Variants in CFTR observed in about 807,000 individuals in gnomAD.
The protein encoded by CFTR is CF transmembrane conductance regulator.
A neutral mutation model predicts 171.6 loss-of-function variants in CFTR; 181 were observed. That is an observed-to-expected ratio of 1.05 (90% CI 0.93 to 1.19). The LOEUF (loss-of-function observed/expected upper bound fraction) is 1.19, where lower values mean the gene tolerates loss of function less well. CFTR is among the 50% of genes most tolerant of loss of function. The pLI, the probability that CFTR is intolerant of heterozygous loss-of-function variation, is 0.00. For missense variants in CFTR, 1,968 were observed against 1,734.7 expected (o/e 1.13, Z -2.39); for synonymous variants, 583 against 608.0 (o/e 0.96, Z 0.60).
Position 117,627,501 on chromosome 7 carries a change from ATGT to A in CFTR, c.3469-16_3469-14del, listed in dbSNP as rs760853013. On this transcript the variant is annotated intron_variant, in intron 21 of 26. Coordinates refer to ENST00000003084, the MANE Select transcript of CFTR (RefSeq NM_000492.4). ...TTGTCTGCCATTCTTAAAAACAAAA[ATGT>A]TGTTATTTTTATTTCAGATGCGATC... 15 of 1,612,208 alleles carry A rather than the reference ATGT, an allele frequency of 9.3e-6. 2 individuals carry two copies. In the South Asian group the frequency reaches 1.3e-4, roughly 14 times the overall value.
intron 22 of CFTR, among the ~76,000 whole-genome samples, chr7:117,631,715 T>C (rs1009185399): frequency 2.6e-5 from 4 of 152,218 alleles, no homozygotes; most frequent in African/African-American, 9.6e-5. Flanking sequence ...CTCTCCCATC[T>C]GGCTGTTCTT....
At chr7:117,524,403 A>G (rs1798739094) in intron 3 of CFTR, among the ~76,000 whole-genome samples, 1 of 152,150 alleles carries the variant, frequency 6.6e-6, no homozygotes, top group African/African-American at 2.4e-5. Context: ...AAAAAAAAAA[A>G]AAAACCAAAT....
At chr7:117,643,331 C>T (rs1792949098) in intron 23 of CFTR, among the ~76,000 whole-genome samples, 1 of 152,074 alleles carries the variant, frequency 6.6e-6, no homozygotes, top group Non-Finnish European at 1.5e-5. Context: ...ACTTTTCTCC[C>T]TTTGTGCTAA....
intron 11 of CFTR, among the ~76,000 whole-genome samples, chr7:117,573,036 T>TTCTCTCTC (rs146811028): frequency 0.047 from 6,715 of 144,250 alleles, 211 homozygotes; most frequent in African/African-American, 0.063. Flanking sequence ...ACTCCACCCT[T>TTCTCTCTC]TCTCTCTCTC....
At chr7:117,542,761 T>G (rs935468682) in intron 9 of CFTR, among the ~76,000 whole-genome samples, 2 of 152,182 alleles carry the variant, frequency 1.3e-5, no homozygotes, top group African/African-American at 4.8e-5. Context: ...TTGTGGGCCC[T>G]CTGGCTCTCC....
intron 18 of CFTR, among the ~76,000 whole-genome samples, chr7:117,609,662 A>G (rs1439355645): frequency 1.3e-5 from 2 of 152,214 alleles, no homozygotes; most frequent in African/African-American, 2.4e-5. Flanking sequence ...TTGTATTTCA[A>G]GCAGAACTTT....
Position 117,586,183 on chromosome 7 carries a change from AG to A in CFTR, c.1585-1554del, listed in dbSNP as rs1034757960. ...ATTCTTGTTATTTGGATGGAATCCT[AG>A]GTATGTGGTCCAGTTCATGAGTTGA... is the stretch of plus-strand genomic sequence containing the variant. On this transcript the variant is annotated intron_variant, in intron 11 of 26. Transcript: ENST00000003084. 1.1e-3 allele frequency: 162 copies of A among 152,292 alleles called. 1 individual carries two copies. The highest frequency in any genetic ancestry group is 3.8e-3 in the African/African-American group (160 of 41,566). The allele number at this position is 152,292 out of a possible 1,614,324, so 9.4% of individuals were successfully genotyped here. A position where few individuals can be genotyped will look rare whatever the true frequency, so the allele number is the denominator to read the frequency against.
chr7:117,545,791 A>G (rs922151384), intron 9 of CFTR, among the ~76,000 whole-genome samples: 1 of 151,122 alleles, frequency 6.6e-6, no homozygotes, highest in African/African-American at 2.4e-5. Flanking sequence ...TTAGCATATC[A>G]TCACTTATTT....
chr7:117,602,511 A>G (rs1792241723), intron 15 of CFTR, among the ~76,000 whole-genome samples: 1 of 152,234 alleles, frequency 6.6e-6, no homozygotes, highest in Non-Finnish European at 1.5e-5. Context: ...TTTATTATTT[A>G]AAACATTCAG....
In CFTR at chr7:117,603,648, C is replaced by G; in HGVS notation, c.2774C>G (p.Thr925Ser). ...VFYIYVGVAD[T>S]LLAMGFFRGL... Reference sequence around the variant, plus strand: ...TACATTTACGTGGGAGTAGCCGACACTTTGCTTGCTATGGGATTCTTCAGA... The same window carrying G: ...TACATTTACGTGGGAGTAGCCGACAGTTTGCTTGCTATGGGATTCTTCAGA... Residue 925 changes from threonine (T) to serine (S), a missense_variant, in exon 17 of 27, where the codon ACT (threonine) becomes AGT (serine). Coordinates refer to ENST00000003084, the MANE Select transcript of CFTR (RefSeq NM_000492.4). The G allele has an allele frequency of 6.2e-7, 1 of 1,614,072 alleles. No homozygotes were observed. The highest frequency in any genetic ancestry group is 8.5e-7 in the Non-Finnish European group (1 of 1,179,944).
intron 20 of CFTR, among the ~76,000 whole-genome samples, chr7:117,612,477 T>C (rs1310503785): frequency 6.6e-6 from 1 of 152,130 alleles, no homozygotes; most frequent in Non-Finnish European, 1.5e-5. Flanking sequence ...AAGTATTTCA[T>C]AATAAGTAAA....
chr7:117,625,873 T>C (rs909990461), intron 21 of CFTR, among the ~76,000 whole-genome samples: 35 of 152,268 alleles, frequency 2.3e-4, no homozygotes, highest in African/African-American at 8.2e-4. Flanking sequence ...TGTATTTTAA[T>C]TCAAAGTTAA....
chr7:117,502,124 A>C lies in CFTR; in HGVS notation c.54-2129A>C, dbSNP rs552000597. Among the ~76,000 whole-genome samples, 25 of 152,380 alleles carry C rather than the reference A, an allele frequency of 1.6e-4. No individual in the cohort carries two copies. In the South Asian group the frequency reaches 5.0e-3, roughly 30 times the overall value. ...ATTTGCCTGCATGCAACACCACTAC[A>C]TGCAGTCTGCTATCTTTTGTTCTTC... On this transcript the variant is annotated intron_variant, in intron 1 of 26. Transcript: ENST00000003084.
At chr7:117,511,109 A>G (rs914371050) in intron 3 of CFTR, among the ~76,000 whole-genome samples, 1 of 152,184 alleles carries the variant, frequency 6.6e-6, no homozygotes, top group African/African-American at 2.4e-5. Context: ...TCTAGTAACC[A>G]GCCTTGGTTC....
chr7:117,507,634 A>G (rs542691818), intron 2 of CFTR, among the ~76,000 whole-genome samples: 5 of 152,240 alleles, frequency 3.3e-5, no homozygotes, highest in Non-Finnish European at 7.4e-5. Flanking sequence ...AAAGGTGGAG[A>G]AGCATGTGGG....
chr7:117,630,896 A>G (rs1792730748), intron 22 of CFTR, among the ~76,000 whole-genome samples: 1 of 152,202 alleles, frequency 6.6e-6, no homozygotes, highest in African/African-American at 2.4e-5. Context: ...GGCAAAGGGC[A>G]TGCACAGAAA....
intron 10 of CFTR, among the ~76,000 whole-genome samples, chr7:117,559,048 T>C (rs1182039476): frequency 6.6e-6 from 1 of 152,192 alleles, no homozygotes; most frequent in Non-Finnish European, 1.5e-5. Context: ...TACCTAATAA[T>C]ATGAAGGTAA....
chr7:117,606,060 A>T (rs1255617655), intron 17 of CFTR, among the ~76,000 whole-genome samples: 1 of 152,202 alleles, frequency 6.6e-6, no homozygotes, highest in Non-Finnish European at 1.5e-5. Context: ...GGACACTTGT[A>T]TATAACCTTT....
At chr7:117,536,465 T>G in intron 6 of CFTR, 83 bp from the exon 7 acceptor site, 1 of 1,362,424 alleles carries the variant, frequency 7.3e-7, no homozygotes, top group East Asian at 2.5e-5. Flanking sequence ...AAATATGACT[T>G]AAAACCTTGA....
Sources: gnomAD v4.1 joint callset for allele counts (sites outside exome capture counted in the v4.1 genomes callset) on GRCh38, gnomAD v4.1.1 for gene constraint, MANE v1.5 for transcripts, NCBI Gene and HGNC (gene_info 2026-07-23, HGNC 2026-07-21) for gene names.